ETV4: variants seen among roughly 807,000 people sequenced by gnomAD.
ETV4 encodes ETS translocation variant 4.
In ETV4, 42 loss-of-function variants were observed where a neutral mutation model predicts 65.9. That is an observed-to-expected ratio of 0.64 (90% CI 0.50 to 0.82). The LOEUF (loss-of-function observed/expected upper bound fraction) is 0.82, where lower values mean the gene tolerates loss of function less well. ETV4 is among the 40% of genes least tolerant of loss of function. The pLI is 0.00. For synonymous variants in ETV4, 238 were observed against 260.0 expected (o/e 0.92, Z 0.81); for missense variants, 583 against 630.3 (o/e 0.92, Z 0.80).
At chr17:43,543,795 A>T (rs1337047229) in intron 4 of ETV4, 1 of 152,234 alleles carries the variant, frequency 6.6e-6, no homozygotes, top group African/African-American at 2.4e-5. Context: ...TTATTTCCAC[A>T]AAATGTCTTG....
intron 8 of ETV4, chr17:43,530,406 A>G (rs1392470173): frequency 7.7e-6 from 11 of 1,421,032 alleles, no homozygotes; most frequent in Non-Finnish European, 9.2e-6. Flanking sequence ...GGCTGAGGCC[A>G]TGGAAGGCAG....
Position 43,528,518 on chromosome 17 carries a change from G to A in ETV4, c.*1C>T. 6.2e-7 allele frequency: 1 copy of A among 1,600,134 alleles called. No individual in the cohort carries two copies. Among genetic ancestry groups the A allele is most frequent in the Non-Finnish European group, 8.5e-7 (1 of 1,171,218 alleles). On this transcript the variant is annotated 3_prime_UTR_variant, in exon 13 of 13. Coordinates refer to ENST00000319349, the MANE Select transcript of ETV4 (RefSeq NM_001079675.5). Reference sequence around the variant, plus strand: ...GCGGCAGGGGGAACAGCCGCTGGGGGCTAGTAAGAGTAGCCACCCTTGGGG... The same window carrying A: ...GCGGCAGGGGGAACAGCCGCTGGGGACTAGTAAGAGTAGCCACCCTTGGGG...
chr17:43,546,280 C>T lies in ETV4; in HGVS notation c.-147G>A. 1 of 152,272 alleles carries T rather than the reference C, an allele frequency of 6.6e-6. No individual in the cohort carries two copies. The highest frequency in any genetic ancestry group is 1.5e-5 in the Non-Finnish European group (1 of 68,128). 9.4% of individuals were successfully genotyped at this position (152,272 alleles called of 1,614,324 possible). A position where few individuals can be genotyped will look rare whatever the true frequency, so the allele number is the denominator to read the frequency against. ...GCGGGGCTAGGCCGGAGTAAGGCGG[C>T]CCCGGCCCCGGGTCCCCAGCGCACC... On this transcript the variant is annotated 5_prime_UTR_variant, in exon 1 of 13. Transcript: ENST00000319349.
At position 43,533,900 on chromosome 17, in the gene ETV4, C is replaced by T. The variant is rs773648385; in HGVS notation, c.342G>A (p.Pro114=). ...TDPALSCSRK[P]PLPYHHGEQC... Reference sequence around the variant, plus strand: ...GCTCGCCATGGTGGTAGGGGAGTGGCGGCTTCCTGCTGCAGGACAGGGCCG... The same window carrying T: ...GCTCGCCATGGTGGTAGGGGAGTGGTGGCTTCCTGCTGCAGGACAGGGCCG... Residue 114 remains proline, a synonymous_variant, in exon 6 of 13, where the codon CCG becomes CCA. Coordinates refer to ENST00000319349, the MANE Select transcript of ETV4 (RefSeq NM_001079675.5). The T allele has an allele frequency of 1.7e-5, 27 of 1,596,036 alleles. No homozygotes were observed. The highest frequency in any genetic ancestry group is 1.7e-4 in the Middle Eastern group (1 of 5,972).
chr17:43,534,108 G>A, intron 5 of ETV4, 123 bp from the exon 6 acceptor site: 1 of 1,098,862 alleles, frequency 9.1e-7, no homozygotes, highest in African/African-American at 1.7e-5. Context: ...TTCCCTCTCT[G>A]GGTATCAATT....
In ETV4 at chr17:43,532,658, C is replaced by T; in HGVS notation, c.811+16G>A. ...CACTTGATCACATGCCACCCTGCCC[C>T]ACCCCAGTCTCTTACCTGAGTCGTA... is the stretch of plus-strand genomic sequence containing the variant. On this transcript the variant is annotated intron_variant, in intron 8 of 12. Transcript: ENST00000319349. 1 of 1,604,102 alleles carries T rather than the reference C, an allele frequency of 6.2e-7. No homozygotes were observed.
At chr17:43,530,354 AG>A (rs1970848956) in intron 8 of ETV4, 173 bp from the exon 9 acceptor site, 4 of 1,467,458 alleles carry the variant, frequency 2.7e-6, no homozygotes, top group Non-Finnish European at 3.6e-6. Flanking sequence ...GTTCACCCAG[AG>A]GGAGTGTGAT....
chr17:43,539,400 C>T (rs1184475591), intron 4 of ETV4, among the ~76,000 whole-genome samples: 1 of 152,160 alleles, frequency 6.6e-6, no homozygotes, highest in East Asian at 1.9e-4. Context: ...CAAAGTGGTT[C>T]CTCCTGGCTC....
At chr17:43,544,792 TAA>T in intron 4 of ETV4, 181 bp downstream of exon 4, 1 of 593,508 alleles carries the variant, frequency 1.7e-6, no homozygotes, top group Non-Finnish European at 3.1e-6. Flanking sequence ...AATATCAATA[TAA>T]GTGTCCACGC....
At chr17:43,545,137 C>A in intron 3 of ETV4, 115 bp from the exon 4 acceptor site, 1 of 1,357,912 alleles carries the variant, frequency 7.4e-7, no homozygotes, top group South Asian at 1.2e-5. Context: ...GAAGAATGAC[C>A]AAAATCCCTT....
In ETV4 at chr17:43,545,644, C is replaced by T. The variant is rs1401924052; in HGVS notation, c.-27G>A. ...CGGCCGCTCCCTCCGGCCGCACGGC[C>T]GGGGCCCCAAGCGGGGGCCGAGACC... On this transcript the variant is annotated 5_prime_UTR_variant, in exon 2 of 13. Coordinates refer to ENST00000319349, the MANE Select transcript of ETV4 (RefSeq NM_001079675.5). 4 of 1,539,004 alleles carry T rather than the reference C, an allele frequency of 2.6e-6. No homozygotes were observed. Among genetic ancestry groups the T allele is most frequent in the East Asian group, 2.5e-5 (1 of 40,110 alleles).
intron 4 of ETV4, among the ~76,000 whole-genome samples, chr17:43,540,368 G>A (rs1427196372): frequency 1.3e-5 from 2 of 152,158 alleles, no homozygotes; most frequent in East Asian, 1.9e-4. Flanking sequence ...CAGGAGAATC[G>A]CTTGAACCCA....
chr17:43,540,890 G>C (rs1014511158), intron 4 of ETV4, among the ~76,000 whole-genome samples: 2 of 152,088 alleles, frequency 1.3e-5, no homozygotes, highest in African/African-American at 4.8e-5. Flanking sequence ...AGAACTCAGG[G>C]GTGGCTGACG....
chr17:43,544,723 A>G, intron 4 of ETV4: 1 of 411,856 alleles, frequency 2.4e-6, no homozygotes, highest in Non-Finnish European at 4.4e-6. Flanking sequence ...TACCCCACAC[A>G]ATGGTCTGAT....
Position 43,546,051 on chromosome 17 carries a change from A to G in ETV4, c.-52+134T>C, listed in dbSNP as rs12947435. The G allele has an allele frequency of 6.9e-3, 1,441 of 207,482 alleles. 29 individuals carry two copies. The highest frequency in any genetic ancestry group is 0.033 in the African/African-American group (1,373 of 41,458). 12.9% of individuals were successfully genotyped at this position (207,482 alleles called of 1,614,324 possible). ...GCCCACAACTCCCGCGCCCCCTCCA[A>G]CCCTGAATCCCAGCACCTCCCACCC... On this transcript the variant is annotated intron_variant, in intron 1 of 12. Coordinates refer to ENST00000319349, the MANE Select transcript of ETV4 (RefSeq NM_001079675.5).
chr17:43,545,464 C>T, intron 2 of ETV4, 94 bp downstream of exon 2: 2 of 1,436,744 alleles, frequency 1.4e-6, no homozygotes, highest in Non-Finnish European at 1.9e-6. Flanking sequence ...CGGGGCAGCC[C>T]AGGACTCCGC....
Position 43,528,747 on chromosome 17 carries a change from T to C in ETV4, c.1231-4A>G, listed in dbSNP as rs1450906314. On this transcript the variant is annotated splice_region_variant and splice_polypyrimidine_tract_variant and intron_variant, in intron 12 of 12. Transcript: ENST00000319349. ...ACACGTAACGCTCACCAGCCACCTA[T>C]GGGGAGAGAGAAGGTCTGGTCAGCC... The C allele has an allele frequency of 1.9e-6, 3 of 1,613,134 alleles. No homozygotes were observed. Among genetic ancestry groups the C allele is most frequent in the Non-Finnish European group, 2.5e-6 (3 of 1,179,334 alleles).
chr17:43,535,986 C>T (rs1971223133), intron 5 of ETV4, among the ~76,000 whole-genome samples: 1 of 152,308 alleles, frequency 6.6e-6, no homozygotes, highest in South Asian at 2.1e-4. Context: ...TTGTGCATGC[C>T]TGTAATCCCA....
chr17:43,529,554 T>A lies in ETV4; in HGVS notation c.1078A>T (p.Ile360Phe). ...LLDDPTNAHF[I>F]AWTGRGMEFK... is the part of the protein sequence containing the mutation. ...TCCATTCCCCGGCCCGTCCAGGCAA[T>A]GAAATGGGCATTTGTTGGGTCATCC... The change falls in exon 11 of 13, where the codon ATT becomes TTT. Residue 360 changes from isoleucine to phenylalanine, a missense_variant. By Grantham distance (21) the Ile-to-Phe change is conservative. Coordinates refer to ENST00000319349, the MANE Select transcript of ETV4 (RefSeq NM_001079675.5). The A allele has an allele frequency of 6.2e-7, 1 of 1,613,960 alleles. No individual in the cohort carries two copies.
Sources: allele counts gnomAD v4.1 joint callset (sites outside exome capture counted in the v4.1 genomes callset), GRCh38; gene constraint gnomAD v4.1.1; transcripts MANE v1.5; gene names NCBI Gene and HGNC (gene_info 2026-07-23, HGNC 2026-07-21).